The following DCAF5 variants were observed in gnomAD, a reference collection of about 807,000 sequenced individuals.
DCAF5 encodes DDB1 and CUL4 associated factor 5, also known as DDB1- and CUL4-associated factor 5.
Under a neutral mutation model 80.7 loss-of-function variants are expected in DCAF5, and 9 were observed. The observed-to-expected ratio is 0.11, with a 90% CI of 0.07 to 0.19. The LOEUF (loss-of-function observed/expected upper bound fraction) is 0.19, where lower values mean the gene tolerates loss of function less well. Ranked by LOEUF, DCAF5 falls within the 10% of genes least tolerant of loss-of-function variation. The pLI, the probability that DCAF5 is intolerant of heterozygous loss-of-function variation, is 1.00. For missense variants in DCAF5, 842 were observed against 1,205.7 expected, an observed-to-expected ratio of 0.70 and a Z score of 4.47; for synonymous variants, 433 against 461.9, an observed-to-expected ratio of 0.94 and a Z score of 0.80.
chr14:69,146,689 A>G (rs111231371), intron 1 of DCAF5, among the ~76,000 whole-genome samples: 2 of 152,236 alleles, frequency 1.3e-5, no homozygotes, highest in Admixed American at 6.5e-5. Flanking sequence ...AACATAATTT[A>G]TACCTGATTC....
At position 69,152,687 on chromosome 14, in the gene DCAF5, G is replaced by A; in HGVS notation, c.214+78C>T. 1.8e-6 allele frequency: 2 copies of A among 1,094,640 alleles called. No individual in the cohort carries two copies. The highest frequency in any genetic ancestry group is 1.5e-5 in the South Asian group (1 of 68,180). 67.8% of individuals were successfully genotyped at this position (1,094,640 alleles called of 1,614,324 possible). A position where few individuals can be genotyped will look rare whatever the true frequency, so the allele number is the denominator to read the frequency against. On this transcript the variant is annotated intron_variant, in intron 1 of 8. Transcript: ENST00000341516. The surrounding 1 kb of genome is among the most constrained non-coding windows in gnomAD (Gnocchi z 4.1). ...AGGGGGTGGGGACAGAGGGCAGGAG[G>A]AGGGTGACGGGGGAGAGCGAGAGGG...
intron 5 of DCAF5, among the ~76,000 whole-genome samples, chr14:69,109,340 A>G (rs187828118): frequency 3.5e-5 from 5 of 144,656 alleles, no homozygotes; most frequent in South Asian, 2.1e-4. Context: ...CTCTGCCTCA[A>G]AAAAAAAAAA....
At chr14:69,107,739 G>T (rs148624294) in intron 5 of DCAF5, among the ~76,000 whole-genome samples, 1 of 152,134 alleles carries the variant, frequency 6.6e-6, no homozygotes, top group Non-Finnish European at 1.5e-5. Flanking sequence ...TTGGATTCAT[G>T]TCATTATACT....
In DCAF5 at chr14:69,152,456, A is replaced by AAT. The variant is rs2041737044; in HGVS notation, c.214+308_214+309insAT. The AAT allele has an allele frequency of 1.5e-5, 4 of 271,332 alleles. No individual in the cohort carries two copies. The highest frequency in any genetic ancestry group is 5.2e-5 in the Admixed American group (1 of 19,068). 16.8% of individuals were successfully genotyped at this position (271,332 alleles called of 1,614,324 possible). A position where few individuals can be genotyped will look rare whatever the true frequency, so the allele number is the denominator to read the frequency against. ...GGAAGAGTTTGCCGTCAAACTTTGT[A>AAT]GAGCGGTAACCTCGCCCCCCTCCCC... On this transcript the variant is annotated intron_variant, in intron 1 of 8. Transcript: ENST00000341516. The surrounding 1 kb of genome is among the most constrained non-coding windows in gnomAD (Gnocchi z 4.1).
At chr14:69,137,336 A>G (rs2041226497) in intron 1 of DCAF5, among the ~76,000 whole-genome samples, 1 of 152,134 alleles carries the variant, frequency 6.6e-6, no homozygotes, top group Admixed American at 6.6e-5. Flanking sequence ...AATTTTCTTC[A>G]TCTCCAGCCT....
At position 69,056,311 on chromosome 14, in the gene DCAF5, G is replaced by A. The variant is rs562704743; in HGVS notation, c.1075-700C>T. Among the ~76,000 whole-genome samples the A allele has an allele frequency of 1.4e-3, 211 of 152,266 alleles. 5 individuals are homozygous for A. The South Asian group carries it at 0.027, about 20-fold the overall frequency. ...CCCAACAAGTCTGTTAGCTATAGGA[G>A]TAGGTAGGACACATGCCCCAAGGAC... On this transcript the variant is annotated intron_variant, in intron 8 of 8. Transcript: ENST00000341516.
intron 8 of DCAF5, among the ~76,000 whole-genome samples, chr14:69,058,129 T>C (rs965555902): frequency 3.3e-5 from 5 of 152,198 alleles, no homozygotes; most frequent in African/African-American, 1.2e-4. Context: ...AGTATTAATA[T>C]ATAAATTCCA....
At chr14:69,089,857 A>G in intron 6 of DCAF5, 3 of 865,420 alleles carry the variant, frequency 3.5e-6, no homozygotes, top group Non-Finnish European at 4.2e-6. Context: ...TAACCATCTT[A>G]TAATGCATAG....
In DCAF5 at chr14:69,140,887, C is replaced by T. The variant is rs1237890457; in HGVS notation, c.214+11878G>A. On this transcript the variant is annotated intron_variant, in intron 1 of 8. Coordinates refer to ENST00000341516, the MANE Select transcript of DCAF5 (RefSeq NM_003861.3). The stretch of plus-strand genomic sequence containing the variant: ...ATCCCAGAACTTTGGGAGGCTGAGG[C>T]GGGCAGATCACCCCCGCCTAGGGAC... 3.3e-5 allele frequency among the ~76,000 whole-genome samples: 5 copies of T among 151,944 alleles called. No homozygotes were observed. The East Asian group carries it at 5.8e-4, about 18-fold the overall frequency.
intron 7 of DCAF5, among the ~76,000 whole-genome samples, chr14:69,074,281 T>C (rs1370558577): frequency 2.0e-5 from 3 of 152,328 alleles, no homozygotes; most frequent in East Asian, 1.9e-4. Flanking sequence ...CAGGTGGCTA[T>C]ATTGAGCTGT....
In DCAF5 at chr14:69,119,678, G is replaced by T. The variant is rs144563888; in HGVS notation, c.359-448C>A. ...TGCAGTGAGCTACGATCGCACTCCA[G>T]CCTGGGCAACAGAGAGAGACTGTCT... On this transcript the variant is annotated intron_variant, in intron 2 of 8. Transcript: ENST00000341516. 3.8e-3 allele frequency among the ~76,000 whole-genome samples: 562 copies of T among 147,880 alleles called. 6 individuals are homozygous for T. The highest frequency in any genetic ancestry group is 0.012 in the African/African-American group (488 of 40,016).
chr14:69,130,579 A>G (rs1461481151), intron 1 of DCAF5, among the ~76,000 whole-genome samples: 1 of 152,198 alleles, frequency 6.6e-6, no homozygotes, highest in African/African-American at 2.4e-5. Flanking sequence ...GGTAAATCTT[A>G]TGTTGTATAC....
In DCAF5 at chr14:69,118,043, T is replaced by C. The variant is rs1016284588; in HGVS notation, c.535+96A>G. Reference sequence around the variant, plus strand: ...CACATTTCCTTTCCCTTGACATCACTTGCACATAGATACTGAGGTAATAAA... The same window carrying C: ...CACATTTCCTTTCCCTTGACATCACCTGCACATAGATACTGAGGTAATAAA... On this transcript the variant is annotated intron_variant, in intron 4 of 8. Transcript: ENST00000341516. The surrounding 1 kb of genome is among the most constrained non-coding windows in gnomAD (Gnocchi z 4.0). The C allele has an allele frequency of 2.6e-6, 4 of 1,517,038 alleles. No individual in the cohort carries two copies. In the South Asian group the frequency reaches 4.9e-5, roughly 18 times the overall value. The allele number at this position is 1,517,038 out of a possible 1,614,324, so 94.0% of individuals were successfully genotyped here. A position where few individuals can be genotyped will look rare whatever the true frequency, so the allele number is the denominator to read the frequency against.
At chr14:69,070,031 C>A (rs1178847992) in intron 7 of DCAF5, among the ~76,000 whole-genome samples, 1 of 152,146 alleles carries the variant, frequency 6.6e-6, no homozygotes, top group Non-Finnish European at 1.5e-5. Context: ...CCTTATTTCA[C>A]AGGAGTTTGG....
intron 5 of DCAF5, among the ~76,000 whole-genome samples, chr14:69,112,594 T>TACAC (rs3044674): frequency 0.026 from 3,835 of 145,210 alleles, 108 homozygotes; most frequent in African/African-American, 0.076. Flanking sequence ...TATATATGTA[T>TACAC]ACACACACAC....
intron 5 of DCAF5, among the ~76,000 whole-genome samples, chr14:69,102,297 T>C (rs975164398): frequency 2.6e-5 from 4 of 151,610 alleles, no homozygotes; most frequent in Non-Finnish European, 5.9e-5. Flanking sequence ...TTAGTAGAGA[T>C]AGGGTTTCAC....
Position 69,118,176 on chromosome 14 carries a change from C to A in DCAF5, c.498G>T (p.Arg166=). ...NIFASSSDDG[R]VLIWDIRESP... ...ATTCCCGAATGTCCCAAATGAGAAC[C>A]CGGCCATCATCTGAGGAACTGGCAA... Residue 166 remains arginine (R), a synonymous_variant, in exon 4 of 9, where the codon CGG becomes CGT. Transcript: ENST00000341516. This position sits in a 1 kb window ranked among gnomAD's most constrained non-coding sequence, Gnocchi z 4.0. 6.2e-7 allele frequency: 1 copy of A among 1,613,946 alleles called. No homozygotes were observed. Among genetic ancestry groups the A allele is most frequent in the Non-Finnish European group, 8.5e-7 (1 of 1,179,898 alleles).
At chr14:69,103,745 C>G (rs35632281) in intron 5 of DCAF5, among the ~76,000 whole-genome samples, 37,102 of 152,158 alleles carry the variant, frequency 0.24, 5,872 homozygotes, top group Middle Eastern at 0.43. Flanking sequence ...TGTACAATCA[C>G]AAGACTCCCT....
chr14:69,118,383 A>G lies in DCAF5; in HGVS notation c.396-105T>C, dbSNP rs1221783724. ...GTGCCATCTTTTCCATTTCTAGAAGAAAGTCAACCTAGCTAAACCCAAAAA... is the reference window on the plus strand; with the variant it reads ...GTGCCATCTTTTCCATTTCTAGAAGGAAGTCAACCTAGCTAAACCCAAAAA... On this transcript the variant is annotated intron_variant, in intron 3 of 8. Transcript: ENST00000341516. The surrounding 1 kb of genome is among the most constrained non-coding windows in gnomAD (Gnocchi z 4.0). 6.1e-6 allele frequency: 8 copies of G among 1,312,398 alleles called. No homozygotes were observed. The highest frequency in any genetic ancestry group is 4.8e-5 in the East Asian group (2 of 42,042). 81.3% of individuals were successfully genotyped at this position (1,312,398 alleles called of 1,614,324 possible).
Sources: gnomAD v4.1 joint callset for allele counts (sites outside exome capture counted in the v4.1 genomes callset) on GRCh38, gnomAD v4.1.1 for gene constraint, Gnocchi (gnomAD v3.1) non-coding constraint, MANE v1.5 for transcripts, NCBI Gene and HGNC (gene_info 2026-07-23, HGNC 2026-07-21) for gene names.